TMEM150C: variants seen among roughly 807,000 people sequenced by gnomAD.
The protein encoded by TMEM150C is tentonin 3.
In TMEM150C, 10 loss-of-function variants were observed where a neutral mutation model predicts 29.9. The observed-to-expected ratio is 0.33, with a 90% CI of 0.21 to 0.57. The LOEUF (loss-of-function observed/expected upper bound fraction) is 0.57. Ranked by LOEUF, TMEM150C falls within the 20% of genes least tolerant of loss-of-function variation. The probability of loss-of-function intolerance (pLI) is 0.88; values close to 1 mark genes in which losing one functional copy is unlikely to be tolerated. For missense variants in TMEM150C, 251 were observed against 303.6 expected, an observed-to-expected ratio of 0.83 and a Z score of 1.29; for synonymous variants, 101 against 112.5, an observed-to-expected ratio of 0.90 and a Z score of 0.64.
At chr4:82,552,321 TG>T (rs1484125442) in intron 1 of TMEM150C, among the ~76,000 whole-genome samples, 1 of 152,240 alleles carries the variant, frequency 6.6e-6, no homozygotes, top group East Asian at 1.9e-4. Flanking sequence ...TAGAAAGCAC[TG>T]GATGTGTGAG....
rs549002955 is a variant in TMEM150C, at chr4:82,490,268, A to C, written c.364-30T>G. The stretch of plus-strand genomic sequence containing the variant: ...GGGATGAATGGATAATGACACATGA[A>C]GGCCCATTCAGCAAAGAAGACAGGC... On this transcript the variant is annotated intron_variant, in intron 6 of 7. Coordinates refer to ENST00000449862, the MANE Select transcript of TMEM150C (RefSeq NM_001080506.3). The C allele has an allele frequency of 8.1e-6, 13 of 1,601,256 alleles. No individual in the cohort carries two copies. The African/African-American group carries it at 1.6e-4, about 20-fold the overall frequency.
At chr4:82,502,110 G>T (rs886357892) in intron 5 of TMEM150C, among the ~76,000 whole-genome samples, 3 of 152,204 alleles carry the variant, frequency 2.0e-5, no homozygotes, top group African/African-American at 4.8e-5. Flanking sequence ...GGAGGACTAT[G>T]CAGGGTCATG....
At chr4:82,491,362 C>T (rs993934412) in intron 6 of TMEM150C, 6 of 641,754 alleles carry the variant, frequency 9.3e-6, no homozygotes, top group Non-Finnish European at 1.7e-5. Context: ...GCTTGGCATC[C>T]AGGGCCTGGG....
chr4:82,525,968 G>A (rs1724638462), intron 1 of TMEM150C, among the ~76,000 whole-genome samples: 1 of 152,210 alleles, frequency 6.6e-6, no homozygotes, highest in Admixed American at 6.5e-5. Context: ...GCAGTGGCAT[G>A]ATCATGGCTC....
At chr4:82,488,732 C>T (rs1723237916) in intron 7 of TMEM150C, among the ~76,000 whole-genome samples, 1 of 152,124 alleles carries the variant, frequency 6.6e-6, no homozygotes, top group Admixed American at 6.6e-5. Context: ...TCCCCGCAAG[C>T]CTCCCAAGTA....
In TMEM150C at chr4:82,484,887, G is replaced by A. The variant is rs551351084; in HGVS notation, c.*624C>T. 2 of 152,764 alleles carry A rather than the reference G, an allele frequency of 1.3e-5. No individual in the cohort carries two copies. Among genetic ancestry groups the A allele is most frequent in the South Asian group, 4.1e-4 (2 of 4,834 alleles). The allele number at this position is 152,764 out of a possible 1,614,324, so 9.5% of individuals were successfully genotyped here. On this transcript the variant is annotated 3_prime_UTR_variant, in exon 8 of 8. Transcript: ENST00000449862. ...CACAGTGCATCAAGTCCAGATCACA[G>A]CGGCGGGCTTTGCTCTCACAGTCTG... is the stretch of plus-strand genomic sequence containing the variant.
At chr4:82,522,309 T>C (rs1032330570) in intron 1 of TMEM150C, among the ~76,000 whole-genome samples, 2 of 152,188 alleles carry the variant, frequency 1.3e-5, no homozygotes, top group African/African-American at 4.8e-5. Flanking sequence ...AAACACTGGA[T>C]ACTTTTGAAA....
chr4:82,546,729 G>C (rs1725398611), intron 1 of TMEM150C, among the ~76,000 whole-genome samples: 1 of 152,110 alleles, frequency 6.6e-6, no homozygotes. Context: ...TTGGGAGGCT[G>C]AGGCAGGAGA....
chr4:82,515,471 G>A (rs1329219866), intron 1 of TMEM150C, among the ~76,000 whole-genome samples: 1 of 152,120 alleles, frequency 6.6e-6, no homozygotes, highest in Non-Finnish European at 1.5e-5. Context: ...GGGCGCGGTG[G>A]CTCACGCTTG....
At chr4:82,527,476 T>C (rs1393518335) in intron 1 of TMEM150C, among the ~76,000 whole-genome samples, 2 of 151,938 alleles carry the variant, frequency 1.3e-5, no homozygotes, top group African/African-American at 2.4e-5. Context: ...GGGTCAGGAG[T>C]GTGTTTAGCT....
At position 82,483,249 on chromosome 4, in the gene TMEM150C, A is replaced by C. The variant is rs939797242; in HGVS notation, c.*2262T>G. 2 of 152,218 alleles carry C rather than the reference A, an allele frequency of 1.3e-5. No homozygotes were observed. The highest frequency in any genetic ancestry group is 2.9e-5 in the Non-Finnish European group (2 of 68,034). The allele number at this position is 152,218 out of a possible 1,614,324, so 9.4% of individuals were successfully genotyped here. On this transcript the variant is annotated 3_prime_UTR_variant, in exon 8 of 8. Coordinates refer to ENST00000449862, the MANE Select transcript of TMEM150C (RefSeq NM_001080506.3). ...TCAGTCATTGCTTGGTTCTGCTAAAATGTGGTATTAGATATATTCTTAAGA... is the reference window on the plus strand; with the variant it reads ...TCAGTCATTGCTTGGTTCTGCTAAACTGTGGTATTAGATATATTCTTAAGA...
chr4:82,558,854 A>G (rs1725824696), intron 1 of TMEM150C, among the ~76,000 whole-genome samples: 1 of 151,428 alleles, frequency 6.6e-6, no homozygotes, highest in Admixed American at 6.6e-5. Context: ...CTGCACGTAT[A>G]CATCCAGATG....
chr4:82,516,323 A>G (rs910428384), intron 1 of TMEM150C, among the ~76,000 whole-genome samples: 2 of 152,218 alleles, frequency 1.3e-5, no homozygotes, highest in Admixed American at 6.5e-5. Flanking sequence ...GTGATAGTCA[A>G]AATGATAATT....
At chr4:82,490,029 G>A (rs1380012078) in intron 7 of TMEM150C, 32 bp downstream of exon 7, 3 of 1,600,960 alleles carry the variant, frequency 1.9e-6, no homozygotes, top group Admixed American at 3.4e-5. Context: ...TCATCTTACT[G>A]GCAAAAGAAG....
chr4:82,514,738 T>C lies in TMEM150C; in HGVS notation c.-10-10071A>G, dbSNP rs115760868. 9.9e-3 allele frequency among the ~76,000 whole-genome samples: 1,508 copies of C among 152,274 alleles called. 25 individuals carry two copies. The highest frequency in any genetic ancestry group is 0.027 in the African/African-American group (1,136 of 41,546). ...CTGTGAAGTAGCCACATGAATTAAT[T>C]CTTGCCAATGGAATGTAAGCCTGCC... is the stretch of plus-strand genomic sequence containing the variant. On this transcript the variant is annotated intron_variant, in intron 1 of 7. Coordinates refer to ENST00000449862, the MANE Select transcript of TMEM150C (RefSeq NM_001080506.3).
chr4:82,538,385 T>C (rs1447423635), intron 1 of TMEM150C, among the ~76,000 whole-genome samples: 1 of 152,090 alleles, frequency 6.6e-6, no homozygotes, highest in Non-Finnish European at 1.5e-5. Flanking sequence ...CAGCAGAAAG[T>C]TAGAAAAAAA....
intron 5 of TMEM150C, among the ~76,000 whole-genome samples, chr4:82,500,214 C>T (rs1723693949): frequency 6.6e-6 from 1 of 152,254 alleles, no homozygotes; most frequent in African/African-American, 2.4e-5. Context: ...ATACATGCTA[C>T]ACTGACTCAT....
intron 1 of TMEM150C, among the ~76,000 whole-genome samples, chr4:82,525,550 AAAGAT>A (rs1724625751): frequency 6.6e-6 from 1 of 152,264 alleles, no homozygotes; most frequent in South Asian, 2.1e-4. Context: ...TCTTTAATTA[AAAGAT>A]AACATTCCAT....
chr4:82,500,205 T>C (rs924561555), intron 5 of TMEM150C, among the ~76,000 whole-genome samples: 2 of 152,250 alleles, frequency 1.3e-5, no homozygotes, highest in Non-Finnish European at 2.9e-5. Flanking sequence ...CTAATTTTAA[T>C]ACATGCTACA....
Sources: allele counts gnomAD v4.1 joint callset (sites outside exome capture counted in the v4.1 genomes callset), GRCh38; gene constraint gnomAD v4.1.1; transcripts MANE v1.5; gene names NCBI Gene and HGNC (gene_info 2026-07-23, HGNC 2026-07-21).